CACNA1A: variants seen among roughly 807,000 people sequenced by gnomAD.
The protein encoded by CACNA1A is calcium voltage-gated channel subunit alpha1 A.
Under a neutral mutation model 262.4 loss-of-function variants are expected in CACNA1A, and 57 were observed. The ratio of observed to expected loss-of-function variants is 0.22; its 90% CI spans 0.18 to 0.27. The LOEUF (loss-of-function observed/expected upper bound fraction) is 0.27. Among genes scored for constraint, CACNA1A ranks in the 10% least tolerant of loss-of-function variants. The pLI is 1.00. For missense variants in CACNA1A, 2,526 were observed against 3,562.8 expected, an observed-to-expected ratio of 0.71 and a Z score of 7.41; for synonymous variants, 1,431 against 1,419.3, an observed-to-expected ratio of 1.01 and a Z score of -0.18.
chr19:13,388,279 A>C (rs2059653266), intron 3 of CACNA1A, among the ~76,000 whole-genome samples: 1 of 113,552 alleles, frequency 8.8e-6, no homozygotes, highest in Non-Finnish European at 1.7e-5. Flanking sequence ...TTTTTGAGAC[A>C]AAGTCTTGCT....
chr19:13,490,736 AAAAG>A (rs147804484), intron 1 of CACNA1A, among the ~76,000 whole-genome samples: 23 of 139,298 alleles, frequency 1.7e-4, no homozygotes, highest in Admixed American at 4.7e-4. Flanking sequence ...AAAGAAAGAG[AAAAG>A]AAAGAAAGAA....
chr19:13,406,509 A>ATATATATGTATGTATG (rs1487889235), intron 3 of CACNA1A, among the ~76,000 whole-genome samples: 5 of 109,658 alleles, frequency 4.6e-5, no homozygotes, highest in Non-Finnish European at 9.3e-5. Flanking sequence ...ATATATATAT[A>ATATATATGTATGTATG]TATGAAGGGA....
At chr19:13,224,204 A>G (rs751367463) in intron 38 of CACNA1A, among the ~76,000 whole-genome samples, 8 of 152,068 alleles carry the variant, frequency 5.3e-5, no homozygotes, top group Middle Eastern at 6.8e-3. Flanking sequence ...GGTACCTATA[A>G]TCCCAGCTAC....
intron 3 of CACNA1A, among the ~76,000 whole-genome samples, chr19:13,394,878 C>A (rs1160741504): frequency 6.6e-6 from 1 of 152,138 alleles, no homozygotes. Context: ...TAAGGCGGGT[C>A]GTAGAAACCA....
At chr19:13,336,036 C>T (rs1447653999) in intron 6 of CACNA1A, 127 bp from the exon 7 acceptor site, 3 of 584,042 alleles carry the variant, frequency 5.1e-6, no homozygotes, top group Non-Finnish European at 9.2e-6. Context: ...TTGTGGAGTT[C>T]TGGGGCTCTG....
At chr19:13,411,886 A>T (rs556487837) in intron 3 of CACNA1A, among the ~76,000 whole-genome samples, 65 of 151,548 alleles carry the variant, frequency 4.3e-4, no homozygotes, top group East Asian at 2.5e-3. Context: ...TAATTTAAAA[A>T]TTTTTTTTTG....
intron 22 of CACNA1A, among the ~76,000 whole-genome samples, chr19:13,281,371 T>C (rs975805774): frequency 7.4e-5 from 10 of 134,968 alleles, no homozygotes; most frequent in South Asian, 7.0e-4. Flanking sequence ...GAGAGAGACA[T>C]TGTCTCTTAA....
intron 3 of CACNA1A, among the ~76,000 whole-genome samples, chr19:13,396,489 A>ATGT (rs1215017311): frequency 6.6e-6 from 1 of 152,192 alleles, no homozygotes; most frequent in African/African-American, 2.4e-5. Flanking sequence ...GATGATGGAA[A>ATGT]TGTTCTATTC....
chr19:13,234,724 CGGCACGTCCCCTACCGGAAGAGAAG>C (rs1407739011), intron 34 of CACNA1A, 172 bp downstream of exon 34: 1 of 555,800 alleles, frequency 1.8e-6, no homozygotes, highest in African/African-American at 1.9e-5. Flanking sequence ...AAGAGAAGGC[CGGCACGTCCCCTACCGGAAGAGAAG>C]GGCACGCCCC....
intron 10 of CACNA1A, among the ~76,000 whole-genome samples, chr19:13,324,863 G>T (rs1174341028): frequency 6.6e-6 from 1 of 152,188 alleles, no homozygotes; most frequent in African/African-American, 2.4e-5. Flanking sequence ...GACAGAGCAA[G>T]AACCTGCCTT....
intron 3 of CACNA1A, among the ~76,000 whole-genome samples, chr19:13,395,273 C>CAAAAAA (rs58840618): frequency 4.5e-5 from 4 of 88,896 alleles, no homozygotes; most frequent in Non-Finnish European, 6.6e-5. Flanking sequence ...GACTCCATCT[C>CAAAAAA]AAAAAAAAAA....
At position 13,241,185 on chromosome 19, in the gene CACNA1A, A is replaced by G. The variant is rs1355309098; in HGVS notation, c.4950+3997T>C. 3.3e-5 allele frequency among the ~76,000 whole-genome samples: 5 copies of G among 152,050 alleles called. No individual in the cohort carries two copies. Among genetic ancestry groups the G allele is most frequent in the South Asian group, 4.2e-4 (2 of 4,816 alleles). On this transcript the variant is annotated intron_variant, in intron 31 of 46. Coordinates refer to ENST00000360228, the MANE Select transcript of CACNA1A (RefSeq NM_001127222.2). This position sits in a 1 kb window ranked among gnomAD's most constrained non-coding sequence, Gnocchi z 4.0. ...GGTGGCTGGGAGTGGATTTGCCTCT[A>G]TTGTCTCTGAGTGTAGGGGATGTGT...
chr19:13,453,026 G>C lies in CACNA1A; in HGVS notation c.400-11C>G. 1.2e-6 allele frequency: 2 copies of C among 1,613,890 alleles called. No homozygotes were observed. The highest frequency in any genetic ancestry group is 1.1e-5 in the South Asian group (1 of 91,070). On this transcript the variant is annotated splice_polypyrimidine_tract_variant and intron_variant, in intron 2 of 46. Transcript: ENST00000360228. ...TGGTTCTGTGTCATCCTGGAAGGGA[G>C]AGAAGGCAAGGTCAGCGTCTTGGGC...
At chr19:13,472,976 G>T (rs1016257909) in intron 1 of CACNA1A, among the ~76,000 whole-genome samples, 1 of 152,192 alleles carries the variant, frequency 6.6e-6, no homozygotes, top group East Asian at 1.9e-4. Context: ...GAAGAGGCCA[G>T]GTGCAGTGGC....
intron 27 of CACNA1A, chr19:13,258,873 C>T (rs974803371): frequency 6.6e-6 from 1 of 151,454 alleles, no homozygotes; most frequent in Non-Finnish European, 1.5e-5. Flanking sequence ...TCTTTTGCTC[C>T]AATATTTTAA....
At chr19:13,328,417 T>C (rs2058405339) in intron 10 of CACNA1A, among the ~76,000 whole-genome samples, 1 of 152,176 alleles carries the variant, frequency 6.6e-6, no homozygotes, top group East Asian at 1.9e-4. Flanking sequence ...AAACAAGCTT[T>C]AAGGTTTCAT....
In CACNA1A at chr19:13,240,112, C is replaced by T. The variant is rs562747475; in HGVS notation, c.4951-4382G>A. Among the ~76,000 whole-genome samples, 7 of 147,682 alleles carry T rather than the reference C, an allele frequency of 4.7e-5. No individual in the cohort carries two copies. In the South Asian group the frequency reaches 1.5e-3, roughly 31 times the overall value. On this transcript the variant is annotated intron_variant, in intron 31 of 46. Transcript: ENST00000360228. ...GTTGCAGTTAGCTGACATTGTGCCA[C>T]TGCACGCCAGCCTGGGTGACAGAGC...
At chr19:13,287,617 T>C (rs2057433907) in intron 19 of CACNA1A, among the ~76,000 whole-genome samples, 1 of 152,130 alleles carries the variant, frequency 6.6e-6, no homozygotes, top group South Asian at 2.1e-4. Context: ...TTCTCTTGCC[T>C]CAGCCTCCTG....
chr19:13,238,754 T>A (rs1410470201), intron 31 of CACNA1A, among the ~76,000 whole-genome samples: 3 of 151,950 alleles, frequency 2.0e-5, no homozygotes, highest in African/African-American at 4.8e-5. Flanking sequence ...CCTGGCTAAT[T>A]TTTGTATTTT....
Sources: allele counts gnomAD v4.1 joint callset (sites outside exome capture counted in the v4.1 genomes callset), GRCh38; gene constraint gnomAD v4.1.1; non-coding constraint Gnocchi (gnomAD v3.1); transcripts MANE v1.5; gene names NCBI Gene and HGNC (gene_info 2026-07-23, HGNC 2026-07-21).